Variants in SLC15A5 observed in about 807,000 individuals in gnomAD.
SLC15A5 encodes the protein solute carrier family 15 member 5.
In SLC15A5, 58 loss-of-function variants were observed where a neutral mutation model predicts 56.1. The observed-to-expected ratio is 1.03, with a 90% CI of 0.84 to 1.29. The LOEUF (loss-of-function observed/expected upper bound fraction) is 1.29, where lower values mean the gene tolerates loss of function less well. SLC15A5 is among the 50% of genes most tolerant of loss of function. The pLI is 0.00. For missense variants in SLC15A5, 681 were observed against 672.1 expected, an observed-to-expected ratio of 1.01 and a Z score of -0.15; for synonymous variants, 264 against 250.5, an observed-to-expected ratio of 1.05 and a Z score of -0.51.
At chr12:16,199,262 T>C (rs1863926814) in intron 7 of SLC15A5, among the ~76,000 whole-genome samples, 1 of 141,914 alleles carries the variant, frequency 7.0e-6, no homozygotes, top group Admixed American at 7.5e-5. Context: ...TGTGAGTGTA[T>C]GTGACTAATA....
intron 5 of SLC15A5, among the ~76,000 whole-genome samples, chr12:16,229,625 C>T (rs865922436): frequency 4.2e-5 from 6 of 144,428 alleles, no homozygotes; most frequent in African/African-American, 1.0e-4. Flanking sequence ...GGCCCAGGTT[C>T]AAAGTAAGCA....
At chr12:16,274,498 G>T (rs1421960751) in intron 1 of SLC15A5, among the ~76,000 whole-genome samples, 4 of 152,114 alleles carry the variant, frequency 2.6e-5, no homozygotes, top group Admixed American at 6.5e-5. Flanking sequence ...ATAAAAATTT[G>T]GTCTAATGCT....
At chr12:16,252,953 T>G (rs754187379) in intron 3 of SLC15A5, among the ~76,000 whole-genome samples, 1 of 152,096 alleles carries the variant, frequency 6.6e-6, no homozygotes, top group Non-Finnish European at 1.5e-5. Flanking sequence ...ATAAGACCAA[T>G]GGAACAGAGT....
At chr12:16,231,478 A>G (rs1265448795) in intron 5 of SLC15A5, among the ~76,000 whole-genome samples, 5 of 152,234 alleles carry the variant, frequency 3.3e-5, no homozygotes, top group African/African-American at 9.6e-5. Flanking sequence ...CTGAAGAAGC[A>G]TGACCCTAAT....
intron 8 of SLC15A5, among the ~76,000 whole-genome samples, chr12:16,192,036 T>C (rs1175067929): frequency 6.6e-6 from 1 of 152,114 alleles, no homozygotes; most frequent in African/African-American, 2.4e-5. Context: ...TGTAGAAGCA[T>C]GGGCTTCAGA....
At chr12:16,232,324 A>G (rs544679091) in intron 5 of SLC15A5, among the ~76,000 whole-genome samples, 9 of 152,318 alleles carry the variant, frequency 5.9e-5, no homozygotes, top group Admixed American at 1.3e-4. Context: ...TAAAAATCAA[A>G]CAAACACATT....
chr12:16,217,866 C>T (rs950717875), intron 6 of SLC15A5, among the ~76,000 whole-genome samples: 9 of 151,072 alleles, frequency 6.0e-5, no homozygotes, highest in Admixed American at 2.0e-4. Context: ...TTTTGGGTGC[C>T]GGTAATGATA....
At chr12:16,227,750 A>AT (rs1283184591) in intron 5 of SLC15A5, among the ~76,000 whole-genome samples, 18 of 152,238 alleles carry the variant, frequency 1.2e-4, no homozygotes, top group Non-Finnish European at 4.4e-5. Context: ...TAATAGAATC[A>AT]TTGAAGATTT....
At chr12:16,261,622 T>A (rs923613074) in intron 2 of SLC15A5, among the ~76,000 whole-genome samples, 25 of 152,212 alleles carry the variant, frequency 1.6e-4, no homozygotes, top group African/African-American at 6.0e-4. Context: ...ATATGATAGA[T>A]GTATATTTAA....
At chr12:16,206,957 A>G (rs557475857) in intron 7 of SLC15A5, among the ~76,000 whole-genome samples, 1 of 152,304 alleles carries the variant, frequency 6.6e-6, no homozygotes, top group East Asian at 1.9e-4. Context: ...CCATCAAGAT[A>G]GTGTGTTCTC....
At position 16,277,548 on chromosome 12, in the gene SLC15A5, C is replaced by T. The variant is rs1167852162; in HGVS notation, c.138G>A (p.Leu46=). The change falls in exon 1 of 9, where the codon TTG becomes TTA. Residue 46 remains leucine, a synonymous_variant. Transcript: ENST00000344941. The part of the protein sequence containing the change: ...SVKKIQVGIC[L]LLVELCERFT... ...ACCTCTCACACAGCTCCACCAGAAGCAAGCAGATTCCAACCTGAATTTTTT... is the reference window on the plus strand; with the variant it reads ...ACCTCTCACACAGCTCCACCAGAAGTAAGCAGATTCCAACCTGAATTTTTT... The T allele has an allele frequency of 6.5e-7, 1 of 1,536,452 alleles. No individual in the cohort carries two copies.
intron 7 of SLC15A5, among the ~76,000 whole-genome samples, chr12:16,202,933 T>A (rs11056821): frequency 0.53 from 79,663 of 151,456 alleles, 21,335 homozygotes; most frequent in South Asian, 0.74. Flanking sequence ...AAGCAGAGAG[T>A]AGAATGGTGG....
In SLC15A5 at chr12:16,194,341, T is replaced by C. The variant is rs1253144139; in HGVS notation, c.1592+4A>G. On this transcript the variant is annotated splice_donor_region_variant and intron_variant, in intron 8 of 8. Coordinates refer to ENST00000344941, the MANE Select transcript of SLC15A5 (RefSeq NM_001170798.1). ...ATTTTTCATCTTACCACACACTTAC[T>C]TACCTTTGTGAAACACTGCAGAATC... 2.6e-6 allele frequency: 4 copies of C among 1,520,716 alleles called. No homozygotes were observed. In the East Asian group the frequency reaches 7.4e-5, roughly 28 times the overall value. The allele number at this position is 1,520,716 out of a possible 1,614,324, so 94.2% of individuals were successfully genotyped here.
At chr12:16,260,857 C>G (rs1864636936) in intron 2 of SLC15A5, among the ~76,000 whole-genome samples, 1 of 151,644 alleles carries the variant, frequency 6.6e-6, no homozygotes, top group Admixed American at 6.6e-5. Context: ...TAATTATTTC[C>G]TATATGGATA....
intron 8 of SLC15A5, among the ~76,000 whole-genome samples, chr12:16,191,899 C>T (rs943419359): frequency 6.6e-6 from 1 of 152,064 alleles, no homozygotes; most frequent in Non-Finnish European, 1.5e-5. Flanking sequence ...GGGTGCTCGT[C>T]AACAGGTGGT....
At chr12:16,213,325 A>G (rs559555453) in intron 7 of SLC15A5, among the ~76,000 whole-genome samples, 1 of 152,294 alleles carries the variant, frequency 6.6e-6, no homozygotes, top group South Asian at 2.1e-4. Flanking sequence ...ATTTATTATC[A>G]TTACTGAAAT....
intron 5 of SLC15A5, among the ~76,000 whole-genome samples, chr12:16,239,423 A>G (rs1174113375): frequency 6.6e-6 from 1 of 152,220 alleles, no homozygotes; most frequent in Non-Finnish European, 1.5e-5. Flanking sequence ...GTCATTTGGT[A>G]GTGCTGGAAA....
intron 7 of SLC15A5, among the ~76,000 whole-genome samples, chr12:16,198,703 G>A (rs1444411850): frequency 1.3e-5 from 2 of 152,056 alleles, no homozygotes; most frequent in African/African-American, 4.8e-5. Context: ...TCCTGAGACT[G>A]GCATTCAACC....
intron 4 of SLC15A5, among the ~76,000 whole-genome samples, 171 bp from the exon 5 acceptor site, chr12:16,240,038 GGTAGGA>G (rs1864397768): frequency 6.6e-6 from 1 of 152,122 alleles, no homozygotes. Context: ...CATCTGTGGT[GGTAGGA>G]GCTCTGTCTA....
Sources: allele counts gnomAD v4.1 joint callset (sites outside exome capture counted in the v4.1 genomes callset), GRCh38; gene constraint gnomAD v4.1.1; transcripts MANE v1.5; gene names NCBI Gene and HGNC (gene_info 2026-07-23, HGNC 2026-07-21).